NPLOC4: variants seen among roughly 807,000 people sequenced by gnomAD.
NPLOC4 encodes nuclear protein localization protein 4 homolog.
Under a neutral mutation model 80.6 loss-of-function variants are expected in NPLOC4, and 18 were observed. The ratio of observed to expected loss-of-function variants is 0.22; its 90% CI spans 0.15 to 0.33. The LOEUF is 0.33. Among genes scored for constraint, NPLOC4 ranks in the 10% least tolerant of loss-of-function variants. The probability of loss-of-function intolerance (pLI) is 1.00; values close to 1 mark genes in which losing one functional copy is unlikely to be tolerated. For missense variants in NPLOC4, 540 were observed against 786.1 expected (o/e 0.69, Z 3.74); for synonymous variants, 313 against 301.5 (o/e 1.04, Z -0.39).
intron 16 of NPLOC4, 59 bp from the exon 17 acceptor site, chr17:81,559,475 G>C (rs1467623208): frequency 2.2e-5 from 34 of 1,531,998 alleles, no homozygotes; most frequent in Non-Finnish European, 2.9e-5. Context: ...GACTGCCAGA[G>C]TGTGGGCATG....
At chr17:81,564,110 A>T (rs969671665) in intron 16 of NPLOC4, 8 of 324,994 alleles carry the variant, frequency 2.5e-5, no homozygotes, top group Non-Finnish European at 4.8e-5. Flanking sequence ...ACACACACAC[A>T]CACACACAAA....
chr17:81,597,612 C>G (rs62074672), intron 9 of NPLOC4, among the ~76,000 whole-genome samples: 12,177 of 151,854 alleles, frequency 0.08, 566 homozygotes, highest in Middle Eastern at 0.17. Context: ...TGGAGAAACC[C>G]TGTCTCTACT....
intron 16 of NPLOC4, chr17:81,563,079 C>CTT (rs1172733109): frequency 7.6e-5 from 11 of 144,060 alleles, no homozygotes; most frequent in Admixed American, 6.9e-5. Flanking sequence ...AAGACCACAT[C>CTT]TTTTTTTTTT....
At chr17:81,568,489 A>G (rs2034073241) in intron 14 of NPLOC4, among the ~76,000 whole-genome samples, 1 of 152,248 alleles carries the variant, frequency 6.6e-6, no homozygotes. Flanking sequence ...TTAGCAAGTT[A>G]TGATTTAAGA....
At position 81,559,071 on chromosome 17, in the gene NPLOC4, G is replaced by C; in HGVS notation, c.*188C>G. 1.6e-6 allele frequency: 1 copy of C among 619,278 alleles called. No homozygotes were observed. The highest frequency in any genetic ancestry group is 1.9e-5 in the African/African-American group (1 of 53,818). 38.4% of individuals were successfully genotyped at this position (619,278 alleles called of 1,614,324 possible). A position where few individuals can be genotyped will look rare whatever the true frequency, so the allele number is the denominator to read the frequency against. On this transcript the variant is annotated 3_prime_UTR_variant, in exon 17 of 17. Transcript: ENST00000331134. ...GCATTCAGCCTGCAGAATACCAGCC[G>C]TGGCGCCCGCTCTCCAGGGAGGAAC...
In NPLOC4 at chr17:81,622,200, A is replaced by C; in HGVS notation, c.175T>G (p.Ser59Ala). The C allele has an allele frequency of 6.2e-7, 1 of 1,613,702 alleles. No homozygotes were observed. Among genetic ancestry groups the C allele is most frequent in the Non-Finnish European group, 8.5e-7 (1 of 1,179,630 alleles). ...AGCAAGTTGAGGGATTTGTTGGAGG[A>C]GGCTGTTATCTCTCCGGTCTTGTTT... is the stretch of plus-strand genomic sequence containing the variant. ...NRNKTGEITASSNKSLNLLKI... is the reference protein window; with the variant it reads ...NRNKTGEITAASNKSLNLLKI... The change falls in exon 3 of 17, where the codon TCC (serine) becomes GCC (alanine). Residue 59 changes from serine to alanine, a missense_variant. By Grantham distance (99) the Ser-to-Ala change is moderately conservative. Around this residue, in one of 6 missense-constraint regions of NPLOC4, gnomAD observed 62 missense variants for 84.4 expected, o/e 0.73. Coordinates refer to ENST00000331134, the MANE Select transcript of NPLOC4 (RefSeq NM_017921.4).
intron 4 of NPLOC4, chr17:81,612,714 T>C (rs1192589763): frequency 8.0e-6 from 1 of 124,358 alleles, no homozygotes; most frequent in Non-Finnish European, 1.6e-5. Context: ...TAAAAGGAAT[T>C]GCAAAAAATC....
At chr17:81,631,728 A>G (rs989917211) in intron 1 of NPLOC4, among the ~76,000 whole-genome samples, 12 of 152,206 alleles carry the variant, frequency 7.9e-5, no homozygotes, top group African/African-American at 2.6e-4. Flanking sequence ...TTCTCCTCTC[A>G]GCAAAGACTG....
At chr17:81,618,002 C>T (rs909380679) in intron 3 of NPLOC4, among the ~76,000 whole-genome samples, 6 of 152,184 alleles carry the variant, frequency 3.9e-5, no homozygotes, top group African/African-American at 2.4e-5. Context: ...GATCTCGGCT[C>T]GCTACAACCT....
intron 2 of NPLOC4, among the ~76,000 whole-genome samples, chr17:81,626,347 G>A (rs1259178226): frequency 6.6e-6 from 1 of 150,872 alleles, no homozygotes; most frequent in Non-Finnish European, 1.5e-5. Context: ...AATGAAAATA[G>A]AACAGAAAAA....
At chr17:81,608,880 T>A in intron 5 of NPLOC4, 58 bp from the exon 6 acceptor site, 3 of 1,376,064 alleles carry the variant, frequency 2.2e-6, no homozygotes, top group Non-Finnish European at 3.0e-6. Flanking sequence ...CTCCAGGCGC[T>A]GAGCCTCTGC....
At chr17:81,629,867 G>T in intron 1 of NPLOC4, 62 bp from the exon 2 acceptor site, 1 of 1,224,106 alleles carries the variant, frequency 8.2e-7, no homozygotes, top group Non-Finnish European at 1.2e-6. Flanking sequence ...CTAATACTAC[G>T]GCTTCCATCT....
At chr17:81,630,501 G>A (rs141222513) in intron 1 of NPLOC4, among the ~76,000 whole-genome samples, 7 of 151,822 alleles carry the variant, frequency 4.6e-5, no homozygotes, top group African/African-American at 7.3e-5. Context: ...GGCTGATCTC[G>A]AGCTCCGGGG....
intron 16 of NPLOC4, chr17:81,563,620 G>A (rs1382332241): frequency 4.7e-6 from 1 of 212,302 alleles, no homozygotes. Context: ...GTCATTGTTA[G>A]AACTGCATCA....
chr17:81,565,518 G>C lies in NPLOC4; in HGVS notation c.1656C>G (p.Ile552Met). Residue 552 changes from isoleucine (I) to methionine (M), a missense_variant, in exon 16 of 17, where the codon ATC becomes ATG. Ile to Met is a conservative substitution (Grantham distance 10). Around this residue, in one of 6 missense-constraint regions of NPLOC4, gnomAD observed 251 missense variants for 377.5 expected, o/e 0.66. Transcript: ENST00000331134. ...TWKRSEQWAT[I>M]EQLCSTVGGQ... ...GGGGGTACTCACTGCACAGCTGCTC[G>C]ATGGTGGCCCACTGCTCAGACCTCT... 1.3e-6 allele frequency: 2 copies of C among 1,551,254 alleles called. No homozygotes were observed. The highest frequency in any genetic ancestry group is 1.7e-6 in the Non-Finnish European group (2 of 1,148,626).
chr17:81,605,819 A>T (rs185346351), intron 7 of NPLOC4, among the ~76,000 whole-genome samples: 3 of 146,538 alleles, frequency 2.0e-5, no homozygotes, highest in African/African-American at 2.5e-5. Context: ...AAACAAACAC[A>T]TTTTCTTTTT....
intron 4 of NPLOC4, among the ~76,000 whole-genome samples, chr17:81,611,233 T>C (rs531428532): frequency 2.6e-5 from 4 of 152,140 alleles, no homozygotes; most frequent in South Asian, 2.1e-4. Flanking sequence ...GGCAGGAGAA[T>C]TGCTTGAACC....
At chr17:81,629,620 G>C (rs2035881426) in intron 2 of NPLOC4, 105 bp downstream of exon 2, 1 of 862,948 alleles carries the variant, frequency 1.2e-6, no homozygotes, top group Non-Finnish European at 1.9e-6. Flanking sequence ...GAGGCAATTT[G>C]GGAATAGGGA....
At chr17:81,625,346 C>T (rs2035768892) in intron 2 of NPLOC4, among the ~76,000 whole-genome samples, 1 of 152,108 alleles carries the variant, frequency 6.6e-6, no homozygotes, top group African/African-American at 2.4e-5. Context: ...GCAGTGAAGC[C>T]GTCCAGCAGG....
Sources: allele counts gnomAD v4.1 joint callset (sites outside exome capture counted in the v4.1 genomes callset), GRCh38; gene constraint gnomAD v4.1.1; regional missense constraint gnomAD v4.1.1; transcripts MANE v1.5; gene names NCBI Gene and HGNC (gene_info 2026-07-23, HGNC 2026-07-21).